The following TNRC6A variants were observed in gnomAD, a reference collection of about 807,000 sequenced individuals.
TNRC6A encodes the protein trinucleotide repeat containing adaptor 6A.
Under a neutral mutation model 221.2 loss-of-function variants are expected in TNRC6A, and 44 were observed. The observed-to-expected ratio is 0.20, with a 90% CI of 0.16 to 0.26. The LOEUF (loss-of-function observed/expected upper bound fraction) is 0.26. Among genes scored for constraint, TNRC6A ranks in the 10% least tolerant of loss-of-function variants. The pLI is 1.00. For synonymous variants in TNRC6A, 847 were observed against 838.5 expected, an observed-to-expected ratio of 1.01 and a Z score of -0.18; for missense variants, 2,199 against 2,404.4, an observed-to-expected ratio of 0.91 and a Z score of 1.79.
intron 4 of TNRC6A, chr16:24,776,585 C>T: frequency 1.0e-6 from 1 of 985,382 alleles, no homozygotes; most frequent in Non-Finnish European, 1.2e-6. Flanking sequence ...ATTGGTTGGC[C>T]ACATTTGTTC....
At chr16:24,694,594 C>T (rs1230873325) in intron 2 of TNRC6A, among the ~76,000 whole-genome samples, 1 of 132,560 alleles carries the variant, frequency 7.5e-6, no homozygotes, top group East Asian at 2.4e-4. Flanking sequence ...GGCAGGGTTG[C>T]AGTGAGCCGA....
intron 2 of TNRC6A, among the ~76,000 whole-genome samples, chr16:24,649,251 A>T (rs1902485394): frequency 6.6e-6 from 1 of 152,204 alleles, no homozygotes; most frequent in African/African-American, 2.4e-5. Flanking sequence ...AAACTATTTA[A>T]CATATGCATG....
chr16:24,784,145 G>C (rs539354165), intron 5 of TNRC6A, among the ~76,000 whole-genome samples: 6 of 152,158 alleles, frequency 3.9e-5, no homozygotes, highest in African/African-American at 1.4e-4. Flanking sequence ...GGGATTATTG[G>C]GGCCTGTTAC....
chr16:24,811,203 A>G (rs996892212), intron 18 of TNRC6A, among the ~76,000 whole-genome samples: 9 of 152,196 alleles, frequency 5.9e-5, no homozygotes, highest in African/African-American at 2.2e-4. Context: ...CCAGTCTGCC[A>G]TGCTAACCCT....
chr16:24,747,079 A>ATGTACC (rs1596601269), intron 2 of TNRC6A, among the ~76,000 whole-genome samples: 2 of 151,184 alleles, frequency 1.3e-5, no homozygotes, highest in East Asian at 3.9e-4. Context: ...TGTTGTGTGG[A>ATGTACC]ATCCTAATCT....
At chr16:24,814,406 T>TTTC (rs1489818786) in intron 18 of TNRC6A, among the ~76,000 whole-genome samples, 1 of 137,232 alleles carries the variant, frequency 7.3e-6, no homozygotes, top group Non-Finnish European at 1.5e-5. Context: ...TTCTTTTTTT[T>TTTC]TTCTTTTTTT....
At position 24,750,767 on chromosome 16, in the gene TNRC6A, A is replaced by G. The variant is rs2151407443; in HGVS notation, c.95A>G (p.Lys32Arg). Residue 32 changes from lysine to arginine, a missense_variant, in exon 3 of 25, where the codon AAA (lysine) becomes AGA (arginine). By Grantham distance (26) the Lys-to-Arg change is conservative (BLOSUM62 2). Transcript: ENST00000395799. Reference protein sequence around the residue: ...QEEEQLMEEKKKKKDDKKKKE... With the variant: ...QEEEQLMEEKRKKKDDKKKKE... ...GAAGAACAGTTGATGGAAGAAAAGA[A>G]AAAGAAAAAAGACGACAAGAAAAAG... The G allele has an allele frequency of 6.4e-7, 1 of 1,568,722 alleles. No homozygotes were observed. Among genetic ancestry groups the G allele is most frequent in the South Asian group, 1.2e-5 (1 of 81,086 alleles).
At chr16:24,776,814 C>T (rs1007359544) in intron 4 of TNRC6A, 119 bp from the exon 5 acceptor site, 2 of 1,503,162 alleles carry the variant, frequency 1.3e-6, no homozygotes, top group Non-Finnish European at 1.8e-6. Flanking sequence ...TCCCTGCTCA[C>T]AGAAAGCTTC....
At chr16:24,635,126 T>TTTTA (rs143951217) in intron 1 of TNRC6A, among the ~76,000 whole-genome samples, 1 of 145,278 alleles carries the variant, frequency 6.9e-6, no homozygotes, top group Non-Finnish European at 1.5e-5. Context: ...TTTTCTTTCT[T>TTTTA]TTTCTTTCTT....
rs776844514 is a variant in TNRC6A at position 24,777,119 on chromosome 16, C to CGCAGCA, written c.359_364dup (p.Gln120_Gln121dup). On this transcript the variant is annotated inframe_insertion, in exon 5 of 25. Transcript: ENST00000395799. ...CCACAGCAGCAGCCACAGCCGCAGC[C>CGCAGCA]GCAGCAGCAGCAGCCACAGCAGCAG... 7 of 1,568,670 alleles carry CGCAGCA rather than the reference C, an allele frequency of 4.5e-6. No individual in the cohort carries two copies. Among genetic ancestry groups the CGCAGCA allele is most frequent in the Non-Finnish European group, 6.1e-6 (7 of 1,143,376 alleles).
At chr16:24,642,324 G>A (rs193082853) in intron 2 of TNRC6A, among the ~76,000 whole-genome samples, 5 of 152,280 alleles carry the variant, frequency 3.3e-5, no homozygotes, top group South Asian at 4.1e-4. Context: ...AGCATCTGAC[G>A]CCTGTCGAGT....
chr16:24,751,335 C>A (rs1379634500), intron 3 of TNRC6A, among the ~76,000 whole-genome samples: 1 of 152,054 alleles, frequency 6.6e-6, no homozygotes, highest in Non-Finnish European at 1.5e-5. Flanking sequence ...GTTTCTTTTT[C>A]CCTCTTTATT....
rs57831728 is a variant in TNRC6A, at chr16:24,729,684, TCGGCGGCGG to T, written c.-132_-124del. 12,998 of 630,094 alleles carry T rather than the reference TCGGCGGCGG, an allele frequency of 0.021. 414 individuals carry two copies. The highest frequency in any genetic ancestry group is 0.025 in the Non-Finnish European group (11,011 of 441,220). 39.0% of individuals were successfully genotyped at this position (630,094 alleles called of 1,614,324 possible). On this transcript the variant is annotated 5_prime_UTR_variant, in exon 1 of 25. Transcript: ENST00000395799. ...TCTGGGGCCTGCGGCGGCGGCGGTG[TCGGCGGCGG>T]CGGCGGCGGCGGCGGCGGCGGCGGC... is the stretch of plus-strand genomic sequence containing the variant.
chr16:24,779,532 C>G (rs1009735246), intron 5 of TNRC6A, among the ~76,000 whole-genome samples: 1 of 152,142 alleles, frequency 6.6e-6, no homozygotes, highest in Admixed American at 6.5e-5. Context: ...TTAGGTATCT[C>G]CAGCTCCTAC....
At chr16:24,752,596 G>A (rs775110613) in intron 3 of TNRC6A, among the ~76,000 whole-genome samples, 20 of 152,140 alleles carry the variant, frequency 1.3e-4, no homozygotes, top group Non-Finnish European at 2.5e-4. Context: ...CAGTCTGGTC[G>A]GTCATTGCTC....
intron 11 of TNRC6A, 81 bp from the exon 12 acceptor site, chr16:24,804,096 A>G (rs911492831): frequency 2.1e-6 from 3 of 1,409,158 alleles, no homozygotes; most frequent in Non-Finnish European, 2.9e-6. Flanking sequence ...TTGGAAAGTG[A>G]GTGTTTTGCT....
At chr16:24,758,249 TTA>T (rs138667551) in intron 3 of TNRC6A, 88 bp from the exon 4 acceptor site, 78,114 of 1,300,522 alleles carry the variant, frequency 0.06, 2,791 homozygotes, top group Middle Eastern at 0.077. Flanking sequence ...TGTATATGTC[TTA>T]TATTAATATA....
chr16:24,797,369 G>C, intron 9 of TNRC6A, 121 bp from the exon 10 acceptor site: 1 of 652,328 alleles, frequency 1.5e-6, no homozygotes, highest in Non-Finnish European at 2.6e-6. Flanking sequence ...GAGTTGATTG[G>C]AGGAGAAATT....
intron 20 of TNRC6A, 26 bp downstream of exon 20, chr16:24,816,982 C>A: frequency 6.2e-7 from 1 of 1,604,258 alleles, no homozygotes; most frequent in Non-Finnish European, 8.5e-7. Flanking sequence ...AAATCAATTT[C>A]TGAGTGACAC....
Sources: allele counts gnomAD v4.1 joint callset (sites outside exome capture counted in the v4.1 genomes callset), GRCh38; gene constraint gnomAD v4.1.1; transcripts MANE v1.5; gene names NCBI Gene and HGNC (gene_info 2026-07-23, HGNC 2026-07-21).